The following FYB1 variants were observed in gnomAD, a reference collection of about 807,000 sequenced individuals.
The protein encoded by FYB1 is FYN-binding protein 1.
Under a neutral mutation model 94.1 loss-of-function variants are expected in FYB1, and 41 were observed. The ratio of observed to expected loss-of-function variants is 0.44; its 90% CI spans 0.34 to 0.57. The LOEUF (loss-of-function observed/expected upper bound fraction) is 0.57. Ranked by LOEUF, FYB1 falls within the 20% of genes least tolerant of loss-of-function variation. The pLI is 0.02. For synonymous variants in FYB1, 367 were observed against 353.2 expected, an observed-to-expected ratio of 1.04 and a Z score of -0.44; for missense variants, 1,050 against 976.8, an observed-to-expected ratio of 1.07 and a Z score of -1.00.
chr5:39,170,128 G>T, intron 2 of FYB1: 1 of 800,450 alleles, frequency 1.2e-6, no homozygotes, highest in Non-Finnish European at 2.2e-6. Flanking sequence ...GTTATCAGTT[G>T]CTGATGAAGT....
chr5:39,177,188 A>G (rs1364069876), intron 2 of FYB1, among the ~76,000 whole-genome samples: 2 of 152,206 alleles, frequency 1.3e-5, no homozygotes, highest in Non-Finnish European at 2.9e-5. Context: ...GTGGCCCCAC[A>G]GGCTGGAGGC....
chr5:39,253,820 T>C (rs13357312), intron 1 of FYB1, among the ~76,000 whole-genome samples: 45,658 of 152,092 alleles, frequency 0.3, 7,876 homozygotes, highest in African/African-American at 0.48. Flanking sequence ...ATATTTTTCC[T>C]GATCCTCTTC....
intron 4 of FYB1, among the ~76,000 whole-genome samples, chr5:39,140,808 AACATACTCT>A (rs149581165): frequency 0.011 from 1,681 of 152,328 alleles, 38 homozygotes; most frequent in African/African-American, 0.039. Context: ...AGAAACCTAT[AACATACTCT>A]TTCTGTGAAC....
intron 2 of FYB1, among the ~76,000 whole-genome samples, chr5:39,184,483 A>C (rs1746563797): frequency 6.6e-6 from 1 of 152,204 alleles, no homozygotes; most frequent in South Asian, 2.1e-4. Flanking sequence ...TGAAAATCCT[A>C]AACCACTGGG....
intron 2 of FYB1, among the ~76,000 whole-genome samples, chr5:39,183,749 T>C (rs1746481618): frequency 6.6e-6 from 1 of 152,210 alleles, no homozygotes; most frequent in South Asian, 2.1e-4. Flanking sequence ...TGATTTGGGT[T>C]AAAATGTTTC....
chr5:39,183,031 G>A (rs10036068), intron 2 of FYB1, among the ~76,000 whole-genome samples: 92,175 of 151,926 alleles, frequency 0.61, 30,558 homozygotes, highest in Non-Finnish European at 0.74. Context: ...CCTTTTTTGG[G>A]GGGTAGAAGG....
chr5:39,264,741 G>A (rs79528904), intron 1 of FYB1, among the ~76,000 whole-genome samples: 421 of 152,126 alleles, frequency 2.8e-3, no homozygotes, highest in Middle Eastern at 0.014. Context: ...CATTGGTTTC[G>A]GGGCCTGAGA....
intron 2 of FYB1, chr5:39,169,711 G>A (rs1452505168): frequency 1.5e-5 from 7 of 460,726 alleles, no homozygotes; most frequent in East Asian, 5.4e-5. Context: ...CGGGCCAGTC[G>A]AAGGTTAGAT....
At chr5:39,272,151 G>A (rs192300709) in intron 1 of FYB1, among the ~76,000 whole-genome samples, 1 of 152,064 alleles carries the variant, frequency 6.6e-6, no homozygotes, top group South Asian at 2.1e-4. Flanking sequence ...GAAAATCTGG[G>A]GTTGAAACTC....
intron 2 of FYB1, among the ~76,000 whole-genome samples, chr5:39,188,599 C>T (rs1747067239): frequency 7.3e-6 from 1 of 136,978 alleles, no homozygotes; most frequent in South Asian, 2.4e-4. Flanking sequence ...GGCTGGAGTG[C>T]AATTGTGCGA....
Position 39,202,860 on chromosome 5 carries a change from G to A in FYB1, c.101C>T (p.Ala34Val). 1 of 1,613,960 alleles carries A rather than the reference G, an allele frequency of 6.2e-7. No homozygotes were observed. The highest frequency in any genetic ancestry group is 1.3e-5 in the African/African-American group (1 of 75,030). ...TTGGTTGTTGAATAAGTTCTTTCTT[G>A]CTTGTATTCCTGAAGATGAGTTTGG... ...TGPNSSSGIQ[A>V]RKNLFNNQGN... The change falls in exon 2 of 19, where the codon GCA (alanine) becomes GTA (valine). Residue 34 changes from alanine to valine, a missense_variant. By Grantham distance (64) the Ala-to-Val change is moderately conservative. Transcript: ENST00000512982.
At chr5:39,122,245 G>A (rs1362285683) in intron 14 of FYB1, 91 bp downstream of exon 14, 1 of 804,062 alleles carries the variant, frequency 1.2e-6, no homozygotes, top group Non-Finnish European at 2.1e-6. Flanking sequence ...GCACACAGTA[G>A]ACACACATCC....
chr5:39,202,404 T>C lies in FYB1; in HGVS notation c.557A>G (p.Asp186Gly). The change falls in exon 2 of 19, where the codon GAT (aspartate) becomes GGT (glycine). Residue 186 changes from aspartate to glycine, a missense_variant. By Grantham distance (94) the Asp-to-Gly change is moderately conservative. Coordinates refer to ENST00000512982, the MANE Select transcript of FYB1 (RefSeq NM_001465.6). ...GGGGAAGAGGGGCTTGGGTTCAAGATCTTGTGATGCTGACATAAATTTCCC... is the reference window on the plus strand; with the variant it reads ...GGGGAAGAGGGGCTTGGGTTCAAGACCTTGTGATGCTGACATAAATTTCCC... ...VKGKFMSASQ[D>G]LEPKPLFPKP... 3 of 1,613,882 alleles carry C rather than the reference T, an allele frequency of 1.9e-6. No homozygotes were observed. The highest frequency in any genetic ancestry group is 2.5e-6 in the Non-Finnish European group (3 of 1,179,864).
intron 1 of FYB1, among the ~76,000 whole-genome samples, chr5:39,253,186 T>C (rs557145246): frequency 5.3e-5 from 8 of 152,300 alleles, no homozygotes; most frequent in Middle Eastern, 3.4e-3. Context: ...ATAAATAAGA[T>C]ACTTCCATAA....
At position 39,122,714 on chromosome 5, in the gene FYB1, G is replaced by A. The variant is rs1273308693; in HGVS notation, c.2072-312C>T. On this transcript the variant is annotated intron_variant, in intron 13 of 18. Transcript: ENST00000512982. The stretch of plus-strand genomic sequence containing the variant: ...ACAAGTGCAATGAATGTCAGGAGTG[G>A]CAAATTGCTGATAAACAAATCAACA... Among the ~76,000 whole-genome samples, 5 of 152,242 alleles carry A rather than the reference G, an allele frequency of 3.3e-5. No individual in the cohort carries two copies. The East Asian group carries it at 9.6e-4, about 29-fold the overall frequency.
rs527777351 is a variant in FYB1, at chr5:39,159,658, GA to G, written c.1136-6055del. On this transcript the variant is annotated intron_variant, in intron 2 of 18. Coordinates refer to ENST00000512982, the MANE Select transcript of FYB1 (RefSeq NM_001465.6). ...TCTCCACTTGCCCTGCATTCTAACTGAAAATCTCCTGATATCTTGCTCTCCC... is the reference window on the plus strand; with the variant it reads ...TCTCCACTTGCCCTGCATTCTAACTGAAATCTCCTGATATCTTGCTCTCCC... 1.8e-3 allele frequency among the ~76,000 whole-genome samples: 275 copies of G among 152,226 alleles called. 1 individual carries two copies. Among genetic ancestry groups the G allele is most frequent in the African/African-American group, 6.5e-3 (269 of 41,528 alleles).
chr5:39,134,473 G>C, intron 8 of FYB1, 124 bp from the exon 9 acceptor site: 1 of 901,514 alleles, frequency 1.1e-6, no homozygotes, highest in Non-Finnish European at 1.6e-6. Context: ...TTGTAGTTCT[G>C]ATTTGTAGAC....
chr5:39,117,114 C>A (rs1397674639), intron 16 of FYB1, among the ~76,000 whole-genome samples: 1 of 152,050 alleles, frequency 6.6e-6, no homozygotes, highest in African/African-American at 2.4e-5. Context: ...AAGTAGAGGG[C>A]AGAAAATACA....
chr5:39,237,085 C>G (rs1750997322), intron 1 of FYB1, among the ~76,000 whole-genome samples: 2 of 152,024 alleles, frequency 1.3e-5, no homozygotes, highest in East Asian at 3.9e-4. Flanking sequence ...GCAAATTTAA[C>G]AAGTAAGTTG....
Sources: allele counts gnomAD v4.1 joint callset (sites outside exome capture counted in the v4.1 genomes callset), GRCh38; gene constraint gnomAD v4.1.1; transcripts MANE v1.5; gene names NCBI Gene and HGNC (gene_info 2026-07-23, HGNC 2026-07-21).